The following ESR1 variants were observed in gnomAD, a reference collection of about 807,000 sequenced individuals.
ESR1 encodes estrogen receptor 1.
In ESR1, 12 loss-of-function variants were observed where a neutral mutation model predicts 52.7. The observed-to-expected ratio is 0.23, with a 90% CI of 0.15 to 0.37. The LOEUF is 0.37. Ranked by LOEUF, ESR1 falls within the 10% of genes least tolerant of loss-of-function variation. The pLI is 1.00. For synonymous variants in ESR1, 305 were observed against 316.8 expected, an observed-to-expected ratio of 0.96 and a Z score of 0.39; for missense variants, 584 against 779.7, an observed-to-expected ratio of 0.75 and a Z score of 2.99.
intron 1 of ESR1, among the ~76,000 whole-genome samples, chr6:151,685,173 C>T (rs1778613702): frequency 7.7e-6 from 1 of 129,910 alleles, no homozygotes; most frequent in South Asian, 2.5e-4. Flanking sequence ...GTCGCCCAGG[C>T]CGGACTGCGG....
intron 2 of ESR1, among the ~76,000 whole-genome samples, chr6:151,788,342 A>G (rs571527338): frequency 1.3e-4 from 20 of 152,352 alleles, no homozygotes; most frequent in African/African-American, 4.3e-4. Flanking sequence ...GCCAACAAGC[A>G]TATGAAAAAA....
Position 151,681,209 on chromosome 6 carries a change from T to G in ESR1, n.74-20666T>G, listed in dbSNP as rs118018389. Among the ~76,000 whole-genome samples the G allele has an allele frequency of 8.3e-3, 1,262 of 152,310 alleles. 8 individuals carry two copies. The highest frequency in any genetic ancestry group is 0.011 in the Non-Finnish European group (772 of 68,016). Reference sequence around the variant, plus strand: ...GGTCAAGCCCAGTCTTGTTTGCACATCCCTGTGAATGATTCTTAATTATAT... The same window carrying G: ...GGTCAAGCCCAGTCTTGTTTGCACAGCCCTGTGAATGATTCTTAATTATAT... On this transcript the variant is annotated intron_variant and non_coding_transcript_variant, in intron 1 of 2. Transcript: ENST00000473497.
At chr6:151,879,521 C>G (rs1583897049) in intron 2 of ESR1, among the ~76,000 whole-genome samples, 1 of 151,970 alleles carries the variant, frequency 6.6e-6, no homozygotes, top group South Asian at 2.1e-4. Context: ...GGGACAGTCT[C>G]GCATGTGATC....
intron 4 of ESR1, among the ~76,000 whole-genome samples, chr6:151,972,510 A>T (rs912744417): frequency 6.6e-6 from 1 of 152,230 alleles, no homozygotes; most frequent in African/African-American, 2.4e-5. Context: ...TCACAAGTCA[A>T]TAAATGTGAT....
chr6:151,729,937 A>T (rs1283633218), intron 2 of ESR1, among the ~76,000 whole-genome samples: 2 of 152,126 alleles, frequency 1.3e-5, no homozygotes, highest in Non-Finnish European at 2.9e-5. Context: ...AAAAAAAGAA[A>T]AAAGAAAAAA....
Position 152,004,732 on chromosome 6 carries a change from A to G in ESR1, c.1097-6924A>G, listed in dbSNP as rs188558545. ...AATGGGTAATGTCAGAAATGTCTTC[A>G]TTACATTACATAAAGTAATACACAG... On this transcript the variant is annotated intron_variant, in intron 4 of 7. Coordinates refer to ENST00000206249, the MANE Select transcript of ESR1 (RefSeq NM_000125.4). Among the ~76,000 whole-genome samples, 92 of 152,104 alleles carry G rather than the reference A, an allele frequency of 6.0e-4. 1 individual carries two copies. Among genetic ancestry groups the G allele is most frequent in the African/African-American group, 2.0e-3 (82 of 41,532 alleles).
chr6:152,117,367 G>A (rs2051222471), intron 6 of ESR1, among the ~76,000 whole-genome samples: 1 of 152,210 alleles, frequency 6.6e-6, no homozygotes, highest in Non-Finnish European at 1.5e-5. Context: ...ACATCTGTGA[G>A]GCTCTGATGT....
chr6:151,850,717 C>A (rs779570408), intron 2 of ESR1, among the ~76,000 whole-genome samples: 3 of 152,050 alleles, frequency 2.0e-5, no homozygotes, highest in Non-Finnish European at 2.9e-5. Context: ...CTCCGGCATC[C>A]GTACTTCAAA....
intron 6 of ESR1, among the ~76,000 whole-genome samples, chr6:152,075,197 C>T (rs143763969): frequency 0.013 from 2,042 of 152,308 alleles, 118 homozygotes; most frequent in Admixed American, 0.12. Flanking sequence ...CAACATTTCT[C>T]TTGCTTTAAT....
chr6:151,813,266 A>C (rs1381944992), intron 1 of ESR1: 1 of 152,218 alleles, frequency 6.6e-6, no homozygotes, highest in Non-Finnish European at 1.5e-5. Flanking sequence ...GTCTCAACTG[A>C]CACAATTTTA....
intron 2 of ESR1, among the ~76,000 whole-genome samples, chr6:151,859,980 A>G (rs1049808156): frequency 1.3e-5 from 2 of 152,152 alleles, no homozygotes; most frequent in African/African-American, 2.4e-5. Context: ...GTAAAGAATC[A>G]TTGGCATCAT....
chr6:151,810,419 G>A lies in ESR1; in HGVS notation c.452+2055G>A, dbSNP rs374987721. 1.1e-4 allele frequency among the ~76,000 whole-genome samples: 16 copies of A among 152,266 alleles called. No homozygotes were observed. The East Asian group carries it at 2.7e-3, about 26-fold the overall frequency. On this transcript the variant is annotated intron_variant, in intron 1 of 7. Coordinates refer to ENST00000206249, the MANE Select transcript of ESR1 (RefSeq NM_000125.4). Reference sequence around the variant, plus strand: ...TGTTATTATCCAGCAAGGAAAAGAAGCATCTATGCAAGTTCTTCATATGGA... The same window carrying A: ...TGTTATTATCCAGCAAGGAAAAGAAACATCTATGCAAGTTCTTCATATGGA...
At chr6:151,861,003 G>T (rs985975065) in intron 2 of ESR1, among the ~76,000 whole-genome samples, 14 of 151,872 alleles carry the variant, frequency 9.2e-5, no homozygotes, top group African/African-American at 3.4e-4. Context: ...TTGCTACATT[G>T]CCCTTTTTTG....
chr6:152,018,996 G>A (rs2043395878), intron 5 of ESR1, among the ~76,000 whole-genome samples: 2 of 152,046 alleles, frequency 1.3e-5, no homozygotes, highest in African/African-American at 4.8e-5. Context: ...GATTCTTTCT[G>A]GTTCTCAGCC....
At chr6:152,041,038 G>A (rs2045750314) in intron 5 of ESR1, among the ~76,000 whole-genome samples, 1 of 152,192 alleles carries the variant, frequency 6.6e-6, no homozygotes. Flanking sequence ...AGGTAGCTTG[G>A]TGATTTGATG....
At chr6:152,042,826 C>G (rs2045919786) in intron 5 of ESR1, among the ~76,000 whole-genome samples, 1 of 152,222 alleles carries the variant, frequency 6.6e-6, no homozygotes, top group Admixed American at 6.5e-5. Flanking sequence ...TCAGACTATT[C>G]TGATTGTTGC....
intron 6 of ESR1, among the ~76,000 whole-genome samples, chr6:152,063,323 G>T (rs892833077): frequency 1.3e-5 from 2 of 152,168 alleles, no homozygotes; most frequent in African/African-American, 4.8e-5. Context: ...ATAACACAGC[G>T]GCTGGCAGCT....
intron 4 of ESR1, among the ~76,000 whole-genome samples, chr6:151,954,682 A>C (rs2036707291): frequency 6.6e-6 from 1 of 152,212 alleles, no homozygotes; most frequent in Non-Finnish European, 1.5e-5. Flanking sequence ...ATATTTTCAA[A>C]CTAGGTAGAT....
chr6:151,720,010 A>C (rs985821574), intron 2 of ESR1, among the ~76,000 whole-genome samples: 3 of 152,228 alleles, frequency 2.0e-5, no homozygotes, highest in Non-Finnish European at 4.4e-5. Context: ...GTCAGAGAGA[A>C]TGCAAGGTCA....
Sources: gnomAD v4.1 joint callset for allele counts (sites outside exome capture counted in the v4.1 genomes callset) on GRCh38, gnomAD v4.1.1 for gene constraint, MANE v1.5 for transcripts, NCBI Gene and HGNC (gene_info 2026-07-23, HGNC 2026-07-21) for gene names.